Variants in MTUS2 observed in about 807,000 individuals in gnomAD.
The protein encoded by MTUS2 is microtubule-associated tumor suppressor candidate 2.
MTUS2 carries 40 observed loss-of-function variants against 114.1 expected under a neutral mutation model. The observed-to-expected ratio is 0.35, with a 90% confidence interval of 0.27 to 0.46. The LOEUF is 0.46. Ranked by LOEUF, MTUS2 falls within the 20% of genes least tolerant of loss-of-function variation. The pLI is 1.00. For synonymous variants in MTUS2, 688 were observed against 672.0 expected, an observed-to-expected ratio of 1.02 and a Z score of -0.37; for missense variants, 1,679 against 1,705.4, an observed-to-expected ratio of 0.98 and a Z score of 0.27.
chr13:28,877,133 C>CAA (rs576847139), intron 2 of MTUS2, among the ~76,000 whole-genome samples: 9 of 122,228 alleles, frequency 7.4e-5, no homozygotes, highest in African/African-American at 2.3e-4. Flanking sequence ...ACTAAAAATA[C>CAA]AAAAAAAAAA....
At chr13:29,419,057 C>G (rs1875885366) in intron 8 of MTUS2, among the ~76,000 whole-genome samples, 1 of 152,188 alleles carries the variant, frequency 6.6e-6, no homozygotes, top group Non-Finnish European at 1.5e-5. Context: ...CCTGACCTAA[C>G]TTTTTGTTTC....
At chr13:29,263,394 C>T (rs1326515173) in intron 5 of MTUS2, among the ~76,000 whole-genome samples, 5 of 152,146 alleles carry the variant, frequency 3.3e-5, no homozygotes, top group Non-Finnish European at 7.3e-5. Flanking sequence ...CCCAAGGCCA[C>T]CTTCTGGCTT....
intron 12 of MTUS2, among the ~76,000 whole-genome samples, chr13:29,493,782 C>T (rs1022537500): frequency 2.0e-5 from 3 of 152,184 alleles, no homozygotes; most frequent in Non-Finnish European, 4.4e-5. Flanking sequence ...AGGAAAGTGA[C>T]GGCCATACAG....
intron 2 of MTUS2, among the ~76,000 whole-genome samples, chr13:28,873,006 A>G (rs1418039191): frequency 6.6e-6 from 1 of 152,254 alleles, no homozygotes; most frequent in East Asian, 1.9e-4. Flanking sequence ...AGGAGAAACA[A>G]TGAAAGTTAG....
intron 8 of MTUS2, among the ~76,000 whole-genome samples, chr13:29,378,272 GTTAA>G (rs1390078175): frequency 7.0e-6 from 1 of 143,704 alleles, no homozygotes; most frequent in Non-Finnish European, 1.5e-5. Flanking sequence ...GTTACTGTAT[GTTAA>G]TTTTTATAAT....
intron 5 of MTUS2, among the ~76,000 whole-genome samples, chr13:29,149,634 A>G (rs1892587201): frequency 6.6e-6 from 1 of 152,098 alleles, no homozygotes; most frequent in Non-Finnish European, 1.5e-5. Context: ...ATTTTCTTCT[A>G]GGATTTTTAT....
At chr13:29,322,502 G>A (rs559091675) in intron 6 of MTUS2, among the ~76,000 whole-genome samples, 19 of 152,296 alleles carry the variant, frequency 1.2e-4, no homozygotes, top group Admixed American at 3.3e-4. Flanking sequence ...AGGGGTACAC[G>A]CTTAGACCCT....
At chr13:29,428,342 C>T (rs767596757) in intron 8 of MTUS2, among the ~76,000 whole-genome samples, 1 of 152,260 alleles carries the variant, frequency 6.6e-6, no homozygotes, top group Non-Finnish European at 1.5e-5. Flanking sequence ...TTCGGGCGTC[C>T]CCAGGCAGTG....
intron 5 of MTUS2, among the ~76,000 whole-genome samples, chr13:29,141,598 G>A (rs1317533325): frequency 2.0e-5 from 3 of 152,140 alleles, no homozygotes; most frequent in African/African-American, 7.2e-5. Flanking sequence ...ACCTTAATCA[G>A]AGCTGCAAAT....
intron 9 of MTUS2, among the ~76,000 whole-genome samples, chr13:29,456,079 A>G (rs1879087466): frequency 6.6e-6 from 1 of 152,254 alleles, no homozygotes. Flanking sequence ...TGTAAAAGCT[A>G]TTATAAACAC....
At chr13:29,415,773 T>C (rs947482643) in intron 8 of MTUS2, among the ~76,000 whole-genome samples, 7 of 152,290 alleles carry the variant, frequency 4.6e-5, no homozygotes, top group African/African-American at 1.4e-4. Flanking sequence ...ATTTCTTGTG[T>C]TTCTTTTATC....
chr13:29,154,230 T>G (rs1892771990), intron 5 of MTUS2, among the ~76,000 whole-genome samples: 2 of 152,228 alleles, frequency 1.3e-5, no homozygotes, highest in South Asian at 4.1e-4. Context: ...ATAGGAAAAC[T>G]AAGTTTTAAA....
intron 8 of MTUS2, among the ~76,000 whole-genome samples, chr13:29,381,171 CA>C (rs753271483): frequency 6.6e-6 from 1 of 152,100 alleles, no homozygotes; most frequent in Non-Finnish European, 1.5e-5. Context: ...GGCTTCTGCC[CA>C]GATACAGATG....
chr13:29,231,564 G>C (rs1480554278), intron 5 of MTUS2, among the ~76,000 whole-genome samples: 2 of 152,146 alleles, frequency 1.3e-5, no homozygotes, highest in African/African-American at 4.8e-5. Flanking sequence ...ATTTACAAAA[G>C]GTTATTTCTG....
chr13:29,323,181 A>G (rs966912415), intron 6 of MTUS2, among the ~76,000 whole-genome samples: 1 of 152,224 alleles, frequency 6.6e-6, no homozygotes, highest in African/African-American at 2.4e-5. Context: ...TAAACTTGTA[A>G]CAATCTAAAT....
intron 10 of MTUS2, among the ~76,000 whole-genome samples, chr13:29,481,590 A>C (rs889146029): frequency 3.3e-5 from 5 of 151,934 alleles, no homozygotes; most frequent in African/African-American, 7.3e-5. Context: ...CCCTTGGGCT[A>C]CCCTCCTCGG....
rs1304931629 is a variant in MTUS2, at chr13:29,389,379, A to G, written c.3117+29906A>G. 2.2e-4 allele frequency among the ~76,000 whole-genome samples: 19 copies of G among 85,956 alleles called. 1 individual carries two copies. Among genetic ancestry groups the G allele is most frequent in the Non-Finnish European group, 3.6e-4 (14 of 38,366 alleles). 56.4% of individuals were successfully genotyped at this position (85,956 alleles called of 152,430 possible). On this transcript the variant is annotated intron_variant, in intron 8 of 15. Transcript: ENST00000612955. ...TATATGTATGCACGTGTGTGTATAT[A>G]TGTATACACGTGTGTGTATATATGT... is the stretch of plus-strand genomic sequence containing the variant.
chr13:29,153,614 G>A (rs1022214030), intron 5 of MTUS2, among the ~76,000 whole-genome samples: 1 of 152,106 alleles, frequency 6.6e-6, no homozygotes, highest in Non-Finnish European at 1.5e-5. Context: ...GGGCTTGTCT[G>A]TATCCACCAT....
rs80220576 is a variant in MTUS2, at chr13:29,497,349, T to C, written c.3678+13T>C. ...GGAGCAGCTGGAGGTCGTTTCTGGA[T>C]TCCAGGCTTCCAGCCCCGCAGGAAC... On this transcript the variant is annotated intron_variant, in intron 13 of 15. Coordinates refer to ENST00000612955, the MANE Select transcript of MTUS2 (RefSeq NM_001033602.4). The C allele has an allele frequency of 4.6e-4, 731 of 1,602,858 alleles. 2 individuals are homozygous for C. The African/African-American group carries it at 8.5e-3, about 19-fold the overall frequency.
Sources: allele counts gnomAD v4.1 joint callset (sites outside exome capture counted in the v4.1 genomes callset), GRCh38; gene constraint gnomAD v4.1.1; transcripts MANE v1.5; gene names NCBI Gene and HGNC (gene_info 2026-07-23, HGNC 2026-07-21).